The following MCC variants were observed in gnomAD, a reference collection of about 807,000 sequenced individuals.
MCC encodes colorectal mutant cancer protein.
A neutral mutation model predicts 116.2 loss-of-function variants in MCC; 90 were observed. That is an observed-to-expected ratio of 0.77 (90% confidence interval 0.65 to 0.92). The LOEUF is 0.92. Ranked by LOEUF, MCC falls within the 40% of genes least tolerant of loss-of-function variation. The pLI, the probability that MCC is intolerant of heterozygous loss-of-function variation, is 0.00. For missense variants in MCC, 1,516 were observed against 1,312.2 expected (o/e 1.16, Z -2.40); for synonymous variants, 578 against 510.5 (o/e 1.13, Z -1.78).
chr5:113,060,448 C>T (rs981961841), intron 14 of MCC, among the ~76,000 whole-genome samples: 25 of 152,250 alleles, frequency 1.6e-4, no homozygotes, highest in Non-Finnish European at 2.2e-4. Context: ...TCACTGCGCC[C>T]GGCCTAGCAG....
intron 2 of MCC, among the ~76,000 whole-genome samples, chr5:113,353,186 C>T (rs1768325012): frequency 6.6e-6 from 1 of 152,144 alleles, no homozygotes; most frequent in East Asian, 1.9e-4. Context: ...CTGCTCCTCA[C>T]ATTCTTTGCT....
intron 8 of MCC, among the ~76,000 whole-genome samples, chr5:113,095,472 A>G (rs1030379961): frequency 6.6e-6 from 1 of 152,212 alleles, no homozygotes; most frequent in African/African-American, 2.4e-5. Context: ...CCCATCACAA[A>G]TAAGTGTTTG....
chr5:113,295,439 G>C (rs1766680160), intron 3 of MCC, among the ~76,000 whole-genome samples: 3 of 145,214 alleles, frequency 2.1e-5, no homozygotes, highest in Admixed American at 1.4e-4. Flanking sequence ...AATGAAGATA[G>C]AGGCCCCATC....
In MCC at chr5:113,287,207, T is replaced by C. The variant is rs577697930; in HGVS notation, c.627+53312A>G. ...AATTCTTGTTGTCTTCTTTGGCTTG[T>C]CTGATTTTATAACCTTGCCAACACA... On this transcript the variant is annotated intron_variant, in intron 3 of 18. Coordinates refer to ENST00000408903, the MANE Select transcript of MCC (RefSeq NM_001085377.2). Among the ~76,000 whole-genome samples, 15 of 151,600 alleles carry C rather than the reference T, an allele frequency of 9.9e-5. No individual in the cohort carries two copies. The Admixed American group carries it at 9.9e-4, about 10-fold the overall frequency.
chr5:113,333,823 AT>A lies in MCC; in HGVS notation c.627+6695del. On this transcript the variant is annotated intron_variant, in intron 3 of 18. Coordinates refer to ENST00000408903, the MANE Select transcript of MCC (RefSeq NM_001085377.2). ...TATGTATATATGTATATATGTACAT[AT>A]ATGTATATATGTATATATGTATATA... Among the ~76,000 whole-genome samples, 2 of 69,136 alleles carry A rather than the reference AT, an allele frequency of 2.9e-5. 1 individual carries two copies. Among genetic ancestry groups the A allele is most frequent in the African/African-American group, 1.2e-4 (2 of 16,156 alleles). The allele number at this position is 69,136 out of a possible 152,430, so 45.4% of individuals were successfully genotyped here. A position where few individuals can be genotyped will look rare whatever the true frequency, so the allele number is the denominator to read the frequency against.
At chr5:113,148,425 C>T (rs1581159436) in intron 4 of MCC, among the ~76,000 whole-genome samples, 2 of 152,206 alleles carry the variant, frequency 1.3e-5, no homozygotes, top group African/African-American at 4.8e-5. Flanking sequence ...CAACCAGTTC[C>T]AGTGTCACCA....
At chr5:113,259,790 T>C (rs1765155228) in intron 3 of MCC, among the ~76,000 whole-genome samples, 1 of 152,212 alleles carries the variant, frequency 6.6e-6, no homozygotes, top group Non-Finnish European at 1.5e-5. Context: ...ATCTGATTTA[T>C]CACACACACA....
At position 113,098,768 on chromosome 5, in the gene MCC, C is replaced by T. The variant is rs998969583; in HGVS notation, c.1398+2971G>A. ...CAAGCACCAATCCTATTGATCTGGT[C>T]GGTTAAAATTCTATACAATGAATGT... On this transcript the variant is annotated intron_variant, in intron 8 of 18. Transcript: ENST00000408903. Among the ~76,000 whole-genome samples, 3 of 151,962 alleles carry T rather than the reference C, an allele frequency of 2.0e-5. No individual in the cohort carries two copies. In the East Asian group the frequency reaches 5.8e-4, roughly 29 times the overall value.
At chr5:113,089,833 G>C (rs374041698) in intron 8 of MCC, among the ~76,000 whole-genome samples, 7 of 152,310 alleles carry the variant, frequency 4.6e-5, no homozygotes, top group East Asian at 1.9e-4. Flanking sequence ...CTTGTAGCTG[G>C]GGTGATTCAG....
chr5:113,059,385 G>A (rs1385386002), intron 14 of MCC, among the ~76,000 whole-genome samples: 1 of 152,170 alleles, frequency 6.6e-6, no homozygotes, highest in African/African-American at 2.4e-5. Context: ...GGTAGGGGAG[G>A]GGAAGCCACT....
At chr5:113,353,470 C>T (rs1340780712) in intron 2 of MCC, among the ~76,000 whole-genome samples, 1 of 152,178 alleles carries the variant, frequency 6.6e-6, no homozygotes, top group Non-Finnish European at 1.5e-5. Context: ...ATTTAAACCT[C>T]TCTCTTTATG....
intron 3 of MCC, among the ~76,000 whole-genome samples, chr5:113,320,821 A>AAT (rs1767406805): frequency 6.6e-6 from 1 of 152,218 alleles, no homozygotes; most frequent in South Asian, 2.1e-4. Flanking sequence ...TCTTAAATAC[A>AAT]ATATAATGTG....
intron 6 of MCC, among the ~76,000 whole-genome samples, chr5:113,122,482 C>A (rs143216731): frequency 2.6e-4 from 40 of 152,340 alleles, no homozygotes; most frequent in Admixed American, 7.8e-4. Flanking sequence ...ATGTTTGAAT[C>A]ACAATTGTAT....
intron 3 of MCC, among the ~76,000 whole-genome samples, chr5:113,300,240 T>C (rs111456125): frequency 0.021 from 3,154 of 152,238 alleles, 35 homozygotes; most frequent in Middle Eastern, 0.027. Context: ...AACCTTGGAA[T>C]TAGTTGGCCT....
At chr5:113,043,214 C>T (rs943933813) in intron 17 of MCC, among the ~76,000 whole-genome samples, 1 of 152,178 alleles carries the variant, frequency 6.6e-6, no homozygotes, top group Non-Finnish European at 1.5e-5. Flanking sequence ...GTAAGAGTGC[C>T]TGTTTTCACC....
At chr5:113,184,236 C>T (rs953834653) in intron 3 of MCC, among the ~76,000 whole-genome samples, 1 of 152,104 alleles carries the variant, frequency 6.6e-6, no homozygotes, top group African/African-American at 2.4e-5. Flanking sequence ...GTCCTTAACC[C>T]AAAGCTCTGT....
chr5:113,132,944 ACTCC>A (rs1012775788), intron 5 of MCC, among the ~76,000 whole-genome samples: 18 of 151,898 alleles, frequency 1.2e-4, no homozygotes, highest in Admixed American at 1.1e-3. Context: ...CTGATGGAGA[ACTCC>A]CTAAGATTTC....
Position 113,434,045 on chromosome 5 carries a change from C to A in MCC, c.171-48833G>T, listed in dbSNP as rs774673658. 1 of 1,614,056 alleles carries A rather than the reference C, an allele frequency of 6.2e-7. No individual in the cohort carries two copies. Among genetic ancestry groups the A allele is most frequent in the Non-Finnish European group, 8.5e-7 (1 of 1,179,926 alleles). On this transcript the variant is annotated intron_variant, in intron 1 of 18. Coordinates refer to ENST00000408903, the MANE Select transcript of MCC (RefSeq NM_001085377.2). The surrounding 1 kb of genome is among the most constrained non-coding windows in gnomAD (Gnocchi z 4.2). ...GCTGCATCCAGCAGTGGCTGAGGAT[C>A]TCGTCGATGTGGAGCCGCCGGTTGA...
chr5:113,220,057 C>CTTTTTTTTTTTTTTTTTTTTTT (rs1229213218), intron 3 of MCC, among the ~76,000 whole-genome samples: 1 of 79,494 alleles, frequency 1.3e-5, no homozygotes, highest in African/African-American at 2.9e-5. Flanking sequence ...ATGTCAATTT[C>CTTTTTTTTTTTTTTTTTTTTTT]TTTTTCTTTT....
Sources: gnomAD v4.1 joint callset for allele counts (sites outside exome capture counted in the v4.1 genomes callset) on GRCh38, gnomAD v4.1.1 for gene constraint, Gnocchi (gnomAD v3.1) non-coding constraint, MANE v1.5 for transcripts, NCBI Gene and HGNC (gene_info 2026-07-23, HGNC 2026-07-21) for gene names.